SLC45A4: variants seen among roughly 807,000 people sequenced by gnomAD.
SLC45A4 encodes the protein solute carrier family 45 member 4.
SLC45A4 carries 32 observed loss-of-function variants against 63.7 expected under a neutral mutation model. The ratio of observed to expected loss-of-function variants is 0.50; its 90% confidence interval spans 0.38 to 0.67. The LOEUF (loss-of-function observed/expected upper bound fraction) is 0.67. Among genes scored for constraint, SLC45A4 ranks in the 30% least tolerant of loss-of-function variants. SLC45A4 has a pLI of 0.00. For synonymous variants in SLC45A4, 535 were observed against 510.0 expected, an observed-to-expected ratio of 1.05 and a Z score of -0.66; for missense variants, 1,027 against 1,157.7, an observed-to-expected ratio of 0.89 and a Z score of 1.64.
intron 1 of SLC45A4, among the ~76,000 whole-genome samples, chr8:141,289,064 G>A (rs1001752684): frequency 2.6e-5 from 4 of 152,232 alleles, no homozygotes; most frequent in African/African-American, 9.6e-5. Context: ...GGAATAAGCA[G>A]GGCCTCAGCC....
At chr8:141,272,761 A>G (rs1829589898) in intron 1 of SLC45A4, among the ~76,000 whole-genome samples, 1 of 152,016 alleles carries the variant, frequency 6.6e-6, no homozygotes, top group Admixed American at 6.6e-5. Flanking sequence ...CGCTGCCTGG[A>G]GCCGAGTTCC....
At chr8:141,242,841 C>T (rs1324643648) in intron 2 of SLC45A4, among the ~76,000 whole-genome samples, 3 of 152,172 alleles carry the variant, frequency 2.0e-5, no homozygotes, top group African/African-American at 7.2e-5. Flanking sequence ...ACAAACACCG[C>T]GGGAAGCTGA....
intron 2 of SLC45A4, among the ~76,000 whole-genome samples, chr8:141,241,309 A>T (rs1182193248): frequency 6.6e-6 from 1 of 152,196 alleles, no homozygotes; most frequent in Non-Finnish European, 1.5e-5. Context: ...CTTTATCTGC[A>T]CTGTTGTTCT....
chr8:141,242,935 A>T (rs1589803903), intron 2 of SLC45A4, among the ~76,000 whole-genome samples: 1 of 152,078 alleles, frequency 6.6e-6, no homozygotes, highest in East Asian at 1.9e-4. Flanking sequence ...GGATTTTCAA[A>T]CCTAAGCCAG....
In SLC45A4 at chr8:141,215,582, C is replaced by G. The variant is rs909924887; in HGVS notation, c.1941+177G>C. Among the ~76,000 whole-genome samples, 5 of 152,100 alleles carry G rather than the reference C, an allele frequency of 3.3e-5. No individual in the cohort carries two copies. Among genetic ancestry groups the G allele is most frequent in the Admixed American group, 1.3e-4 (2 of 15,270 alleles). Reference sequence around the variant, plus strand: ...GAGAAGACCCTTTGTGGCCAGGGACCGATCAGGGGCAGGTGGTGGCTCTGT... The same window carrying G: ...GAGAAGACCCTTTGTGGCCAGGGACGGATCAGGGGCAGGTGGTGGCTCTGT... On this transcript the variant is annotated intron_variant, in intron 7 of 8. Coordinates refer to ENST00000517878, the MANE Select transcript of SLC45A4 (RefSeq NM_001286646.2). This position sits in a 1 kb window ranked among gnomAD's most constrained non-coding sequence, Gnocchi z 4.3.
Position 141,278,278 on chromosome 8 carries a change from C to T in SLC45A4, c.-400-23649G>A, listed in dbSNP as rs1829805083. The T allele has an allele frequency of 6.6e-6, 1 of 152,420 alleles. No homozygotes were observed. The highest frequency in any genetic ancestry group is 1.9e-4 in the East Asian group (1 of 5,198). 9.4% of individuals were successfully genotyped at this position (152,420 alleles called of 1,614,324 possible). A position where few individuals can be genotyped will look rare whatever the true frequency, so the allele number is the denominator to read the frequency against. On this transcript the variant is annotated intron_variant, in intron 1 of 8. Coordinates refer to ENST00000517878, the MANE Select transcript of SLC45A4 (RefSeq NM_001286646.2). The surrounding 1 kb of genome is among the most constrained non-coding windows in gnomAD (Gnocchi z 4.1). ...AGGCAGTGGGTTTCCCCGATGGGAT[C>T]TCGGTGCAACCCAACAACTGAGCCA...
intron 2 of SLC45A4, chr8:141,224,168 C>T (rs1826835469): frequency 6.6e-6 from 1 of 152,206 alleles, no homozygotes; most frequent in South Asian, 2.1e-4. Flanking sequence ...AAGATGTGAT[C>T]CACTGTGTCC....
intron 1 of SLC45A4, among the ~76,000 whole-genome samples, chr8:141,277,609 TAAAAAA>T (rs35641074): frequency 6.7e-6 from 1 of 148,576 alleles, no homozygotes; most frequent in East Asian, 1.9e-4. Flanking sequence ...CTTTTACTCT[TAAAAAA>T]AAAAATCTTC....
chr8:141,271,108 G>A (rs1778270416), intron 1 of SLC45A4, among the ~76,000 whole-genome samples: 5 of 152,352 alleles, frequency 3.3e-5, no homozygotes, highest in African/African-American at 2.4e-5. Flanking sequence ...GAGCCAGAAC[G>A]CTTGCCCGCC....
chr8:141,228,314 C>T lies in SLC45A4; in HGVS notation c.242-6549G>A. 1.9e-6 allele frequency: 3 copies of T among 1,605,272 alleles called. No homozygotes were observed. The South Asian group carries it at 3.3e-5, about 18-fold the overall frequency. On this transcript the variant is annotated intron_variant, in intron 2 of 8. Transcript: ENST00000517878. ...CTGTGCCAGGCACCTCCCAGCAACT[C>T]CCAGGGGGCCACTGTTTCTCCTCTT...
At chr8:141,305,930 C>T (rs1274223398) in intron 1 of SLC45A4, among the ~76,000 whole-genome samples, 1 of 152,204 alleles carries the variant, frequency 6.6e-6, no homozygotes, top group Non-Finnish European at 1.5e-5. Context: ...CTCTCCTTCC[C>T]TGCAGATCTG....
chr8:141,234,054 G>C (rs1360804649), intron 2 of SLC45A4, among the ~76,000 whole-genome samples: 1 of 152,224 alleles, frequency 6.6e-6, no homozygotes, highest in Non-Finnish European at 1.5e-5. Context: ...GAGTCATCCT[G>C]AACAGCTCAC....
At chr8:141,284,073 T>TACACATTATGC (rs756044970) in intron 1 of SLC45A4, among the ~76,000 whole-genome samples, 23 of 152,244 alleles carry the variant, frequency 1.5e-4, no homozygotes, top group Non-Finnish European at 2.9e-4. Flanking sequence ...GGCTTTCATG[T>TACACATTATGC]ACACATTATG....
intron 1 of SLC45A4, among the ~76,000 whole-genome samples, chr8:141,287,958 C>T (rs578078984): frequency 3.9e-5 from 6 of 152,316 alleles, no homozygotes; most frequent in African/African-American, 1.2e-4. Flanking sequence ...GGGGACTAGA[C>T]GGCTTTGCAC....
At chr8:141,270,411 C>A (rs1008780899) in intron 1 of SLC45A4, among the ~76,000 whole-genome samples, 3 of 150,458 alleles carry the variant, frequency 2.0e-5, no homozygotes, top group African/African-American at 4.9e-5. Context: ...CGGTAGCTAA[C>A]GCCTGTAATC....
intron 6 of SLC45A4, among the ~76,000 whole-genome samples, chr8:141,216,207 TCCCAGAC>T (rs1283976851): frequency 6.6e-6 from 1 of 152,140 alleles, no homozygotes; most frequent in African/African-American, 2.4e-5. Context: ...GCCCTCCTTG[TCCCAGAC>T]CCCATAACCC....
intron 2 of SLC45A4, among the ~76,000 whole-genome samples, chr8:141,235,605 T>A (rs1246011004): frequency 6.6e-6 from 1 of 152,192 alleles, no homozygotes; most frequent in Non-Finnish European, 1.5e-5. Context: ...GGGAACTGTT[T>A]CAGAGCTTAG....
intron 1 of SLC45A4, among the ~76,000 whole-genome samples, chr8:141,258,055 TCTTC>T (rs998396912): frequency 1.5e-5 from 2 of 137,052 alleles, no homozygotes; most frequent in African/African-American, 2.7e-5. Flanking sequence ...TTTTGTTTCT[TCTTC>T]CTTTTTTTTT....
chr8:141,277,133 G>A (rs1026892838), intron 1 of SLC45A4, among the ~76,000 whole-genome samples: 1 of 152,244 alleles, frequency 6.6e-6, no homozygotes, highest in Non-Finnish European at 1.5e-5. Flanking sequence ...GGTGCGCCAC[G>A]ATGGCAACGG....
Sources: allele counts gnomAD v4.1 joint callset (sites outside exome capture counted in the v4.1 genomes callset), GRCh38; gene constraint gnomAD v4.1.1; non-coding constraint Gnocchi (gnomAD v3.1); transcripts MANE v1.5; gene names NCBI Gene and HGNC (gene_info 2026-07-23, HGNC 2026-07-21).